The following MYRIP variants were observed in gnomAD, a reference collection of about 807,000 sequenced individuals.
MYRIP encodes the protein myosin VIIA and Rab interacting protein, also known as rab effector MyRIP.
MYRIP carries 49 observed loss-of-function variants against 98.0 expected under a neutral mutation model. The observed-to-expected ratio is 0.50, with a 90% confidence interval of 0.40 to 0.63. The LOEUF (loss-of-function observed/expected upper bound fraction) is 0.63. Among genes scored for constraint, MYRIP ranks in the 30% least tolerant of loss-of-function variants. The pLI is 0.00. For missense variants in MYRIP, 1,004 were observed against 1,058.2 expected (o/e 0.95, Z 0.71); for synonymous variants, 404 against 409.5 (o/e 0.99, Z 0.16).
intron 1 of MYRIP, among the ~76,000 whole-genome samples, chr3:39,875,650 T>A (rs2125636264): frequency 6.6e-6 from 1 of 151,560 alleles, no homozygotes; most frequent in East Asian, 1.9e-4. Flanking sequence ...GTTGAGCAGT[T>A]TTGAGTGAGT....
chr3:39,859,103 G>C (rs1942386974), intron 1 of MYRIP, among the ~76,000 whole-genome samples: 2 of 123,536 alleles, frequency 1.6e-5, no homozygotes, highest in South Asian at 5.3e-4. Context: ...AACTGAGTTG[G>C]TTTTTTGAAA....
At chr3:39,940,323 AG>A (rs1376839913) in intron 2 of MYRIP, among the ~76,000 whole-genome samples, 2 of 152,132 alleles carry the variant, frequency 1.3e-5, no homozygotes, top group Non-Finnish European at 2.9e-5. Flanking sequence ...CTGAAATTTT[AG>A]GGCCCCCTGT....
chr3:39,874,680 A>T (rs1423583313), intron 1 of MYRIP, among the ~76,000 whole-genome samples: 1 of 152,206 alleles, frequency 6.6e-6, no homozygotes, highest in African/African-American at 2.4e-5. Context: ...CTTGCATCCC[A>T]GGGATGAAGC....
intron 8 of MYRIP, among the ~76,000 whole-genome samples, chr3:40,176,922 A>AAG (rs1391171557): frequency 1.9e-5 from 2 of 106,332 alleles, no homozygotes; most frequent in African/African-American, 5.3e-5. Context: ...AAAAAAAAAA[A>AAG]AAAGAAAAGA....
chr3:40,173,502 A>G (rs1443862157), intron 8 of MYRIP: 1 of 152,268 alleles, frequency 6.6e-6, no homozygotes, highest in African/African-American at 2.4e-5. Context: ...TTGTATCATA[A>G]GCCAAAACAG....
At chr3:39,997,948 A>C (rs996416378) in intron 2 of MYRIP, among the ~76,000 whole-genome samples, 10 of 152,196 alleles carry the variant, frequency 6.6e-5, no homozygotes, top group African/African-American at 2.4e-4. Context: ...TAATTATCTC[A>C]ATAAATGCAG....
intron 11 of MYRIP, among the ~76,000 whole-genome samples, chr3:40,221,065 A>G (rs1033552050): frequency 3.7e-4 from 55 of 148,972 alleles, no homozygotes; most frequent in Non-Finnish European, 6.5e-4. Context: ...AAAAAAAAAA[A>G]AGAGAAAATG....
rs1035871971 is a variant in MYRIP at position 40,237,162 on chromosome 3, T to TTA, written c.2100+3119_2100+3120dup. ...TGAGATCCCATCTCTATGAATAAAA[T>TTA]TATATATATATGCATGCTTGTTTCA... On this transcript the variant is annotated intron_variant, in intron 12 of 16. Coordinates refer to ENST00000302541, the MANE Select transcript of MYRIP (RefSeq NM_015460.4). Among the ~76,000 whole-genome samples the TTA allele has an allele frequency of 1.1e-4, 16 of 152,046 alleles. No homozygotes were observed. The East Asian group carries it at 2.1e-3, about 20-fold the overall frequency.
intron 3 of MYRIP, among the ~76,000 whole-genome samples, chr3:40,058,946 C>T (rs922665836): frequency 2.7e-5 from 4 of 150,790 alleles, no homozygotes; most frequent in Non-Finnish European, 5.9e-5. Context: ...CCCCCACCCC[C>T]CAACAGGCCC....
chr3:40,080,791 C>CTTTTTTTTTTT (rs34610302), intron 3 of MYRIP, among the ~76,000 whole-genome samples: 7 of 93,850 alleles, frequency 7.5e-5, no homozygotes, highest in African/African-American at 1.3e-4. Flanking sequence ...ATCCTAACTT[C>CTTTTTTTTTTT]TTTTTTTTTT....
intron 3 of MYRIP, chr3:40,071,150 C>T (rs1948216325): frequency 1.6e-5 from 16 of 985,448 alleles, no homozygotes; most frequent in Non-Finnish European, 1.9e-5. Flanking sequence ...GGAGCCATCT[C>T]CCTGACTTGT....
At chr3:40,063,164 A>G (rs761291473) in intron 3 of MYRIP, among the ~76,000 whole-genome samples, 1 of 152,346 alleles carries the variant, frequency 6.6e-6, no homozygotes, top group Middle Eastern at 3.4e-3. Context: ...CACAAAAGAC[A>G]AAGGCTGAGA....
chr3:39,986,722 C>A (rs575982357), intron 2 of MYRIP, among the ~76,000 whole-genome samples: 6 of 152,196 alleles, frequency 3.9e-5, no homozygotes, highest in African/African-American at 1.2e-4. Flanking sequence ...AATATAACCC[C>A]CGTGGGTAGG....
At position 39,900,871 on chromosome 3, in the gene MYRIP, CT is replaced by C. The variant is rs779590285; in HGVS notation, c.57del (p.Gln20ArgfsTer17). The C allele has an allele frequency of 6.2e-7, 1 of 1,613,862 alleles. No individual in the cohort carries two copies. The highest frequency in any genetic ancestry group is 8.5e-7 in the Non-Finnish European group (1 of 1,179,986). ...GLTDDETEHV[L>X]QVVQRDFNLR... is the part of the protein sequence containing the mutation. The stretch of plus-strand genomic sequence containing the variant: ...GACTGATGATGAAACAGAGCATGTT[CT>C]TCAGGTGGTTCAAAGAGACTTCAAT... On this transcript the variant is annotated frameshift_variant, in exon 2 of 17. Transcript: ENST00000302541. LOFTEE classifies it high-confidence loss of function.
chr3:39,978,209 T>C (rs1945802988), intron 2 of MYRIP, among the ~76,000 whole-genome samples: 1 of 152,194 alleles, frequency 6.6e-6, no homozygotes. Context: ...TTCATAGAAA[T>C]TAGCAATGGC....
At chr3:39,913,490 G>T (rs1470754555) in intron 2 of MYRIP, among the ~76,000 whole-genome samples, 2 of 152,120 alleles carry the variant, frequency 1.3e-5, no homozygotes, top group African/African-American at 2.4e-5. Context: ...GATTTCTGGG[G>T]TGACAAGATA....
At chr3:39,824,329 G>GT (rs1371776431) in intron 1 of MYRIP, among the ~76,000 whole-genome samples, 3 of 152,080 alleles carry the variant, frequency 2.0e-5, no homozygotes, top group Non-Finnish European at 4.4e-5. Context: ...TGCTTTGGCT[G>GT]TTTGGGGTCT....
At chr3:39,894,137 C>T (rs915306258) in intron 1 of MYRIP, among the ~76,000 whole-genome samples, 7 of 152,124 alleles carry the variant, frequency 4.6e-5, no homozygotes, top group Non-Finnish European at 1.0e-4. Flanking sequence ...CAAGATTGTA[C>T]TATTCATACT....
intron 12 of MYRIP, among the ~76,000 whole-genome samples, chr3:40,236,198 T>C (rs2125702987): frequency 6.6e-6 from 1 of 152,334 alleles, no homozygotes; most frequent in South Asian, 2.1e-4. Flanking sequence ...TTCAGTACAG[T>C]AACATGCTGT....
Sources: gnomAD v4.1 joint callset for allele counts (sites outside exome capture counted in the v4.1 genomes callset) on GRCh38, gnomAD v4.1.1 for gene constraint, MANE v1.5 for transcripts, NCBI Gene and HGNC (gene_info 2026-07-23, HGNC 2026-07-21) for gene names.